The following PIPOX variants were observed in gnomAD, a reference collection of about 807,000 sequenced individuals.
PIPOX encodes the protein peroxisomal sarcosine oxidase.
A neutral mutation model predicts 47.9 loss-of-function variants in PIPOX; 45 were observed. The ratio of observed to expected loss-of-function variants is 0.94; its 90% CI spans 0.74 to 1.20. The LOEUF (loss-of-function observed/expected upper bound fraction) is 1.20, where lower values mean the gene tolerates loss of function less well. Ranked by LOEUF, PIPOX falls within the 50% of genes most tolerant of loss-of-function variation. The pLI, the probability that PIPOX is intolerant of heterozygous loss-of-function variation, is 0.00. For synonymous variants in PIPOX, 165 were observed against 191.3 expected (o/e 0.86, Z 1.13); for missense variants, 458 against 498.4 (o/e 0.92, Z 0.77).
Position 29,055,840 on chromosome 17 carries a change from G to C in PIPOX, c.994G>C (p.Asp332His). 1 of 1,613,904 alleles carries C rather than the reference G, an allele frequency of 6.2e-7. No individual in the cohort carries two copies. Among genetic ancestry groups the C allele is most frequent in the Non-Finnish European group, 8.5e-7 (1 of 1,179,828 alleles). ...TNTPDEQFILDRHPKYDNIVI... is the reference protein window; with the variant it reads ...TNTPDEQFILHRHPKYDNIVI... Reference sequence around the variant, plus strand: ...TACCCCTGATGAGCAGTTCATTCTCGATCGCCACCCAAAGTATGACAACAT... The same window carrying C: ...TACCCCTGATGAGCAGTTCATTCTCCATCGCCACCCAAAGTATGACAACAT... Residue 332 changes from aspartate (D) to histidine (H), a missense_variant, in exon 7 of 8, where the codon GAT (aspartate) becomes CAT (histidine). Asp to His is a moderately conservative substitution (Grantham distance 81). Coordinates refer to ENST00000323372, the MANE Select transcript of PIPOX (RefSeq NM_016518.3).
At chr17:29,051,046 C>T (rs1042424181) in intron 2 of PIPOX, among the ~76,000 whole-genome samples, 5 of 151,460 alleles carry the variant, frequency 3.3e-5, no homozygotes, top group Middle Eastern at 3.2e-3. Context: ...TGCTTACACC[C>T]GGGGGCAGAG....
At chr17:29,051,320 A>G (rs1326470305) in intron 2 of PIPOX, among the ~76,000 whole-genome samples, 2 of 152,114 alleles carry the variant, frequency 1.3e-5, no homozygotes, top group Admixed American at 6.5e-5. Flanking sequence ...GCCATGGCAA[A>G]TGGATTGGGC....
Position 29,053,404 on chromosome 17 carries a change from C to G in PIPOX, c.478-9C>G. The stretch of plus-strand genomic sequence containing the variant: ...ACTAATTCACCTTTCCCTGCTCCTG[C>G]CCTTTCAGGATGCAATTCGACAGCT... On this transcript the variant is annotated splice_polypyrimidine_tract_variant and intron_variant, in intron 3 of 7. Coordinates refer to ENST00000323372, the MANE Select transcript of PIPOX (RefSeq NM_016518.3). The G allele has an allele frequency of 6.2e-7, 1 of 1,605,850 alleles. No individual in the cohort carries two copies. The highest frequency in any genetic ancestry group is 1.1e-5 in the South Asian group (1 of 90,582).
At chr17:29,055,608 C>T (rs773841359) in intron 6 of PIPOX, among the ~76,000 whole-genome samples, 8 of 152,190 alleles carry the variant, frequency 5.3e-5, no homozygotes, top group Non-Finnish European at 7.3e-5. Context: ...CTACTGTGTT[C>T]GTAGCTCTGT....
Position 29,055,123 on chromosome 17 carries a change from A to G in PIPOX, c.868A>G (p.Thr290Ala). The change falls in exon 6 of 8, where the codon ACA (threonine) becomes GCA (alanine). Residue 290 changes from threonine to alanine, a missense_variant. Physicochemically the swap from Thr to Ala is moderately conservative, Grantham distance 58 (BLOSUM62 0). Coordinates refer to ENST00000323372, the MANE Select transcript of PIPOX (RefSeq NM_016518.3). The part of the protein sequence containing the change: ...PEERDCPTAR[T>A]DIGDVQILSS... ...GGAGCGGGACTGCCCCACAGCACGC[A>G]CAGACATCGGAGACGTCCAGATCCT... The G allele has an allele frequency of 6.2e-7, 1 of 1,614,176 alleles. No homozygotes were observed. Among genetic ancestry groups the G allele is most frequent in the Non-Finnish European group, 8.5e-7 (1 of 1,180,030 alleles).
chr17:29,055,247 G>C (rs1220204367), intron 6 of PIPOX, 26 bp downstream of exon 6: 1 of 1,613,508 alleles, frequency 6.2e-7, no homozygotes, highest in African/African-American at 1.3e-5. Flanking sequence ...AGCCTTGCTG[G>C]GCCCCCTCAC....
At chr17:29,055,603 G>A (rs1185024508) in intron 6 of PIPOX, among the ~76,000 whole-genome samples, 1 of 152,236 alleles carries the variant, frequency 6.6e-6, no homozygotes, top group Non-Finnish European at 1.5e-5. Flanking sequence ...AACACCTACT[G>A]TGTTCGTAGC....
Position 29,056,577 on chromosome 17 carries a change from A to G in PIPOX, c.*272A>G. 1 of 527,478 alleles carries G rather than the reference A, an allele frequency of 1.9e-6. No homozygotes were observed. The highest frequency in any genetic ancestry group is 3.4e-6 in the Non-Finnish European group (1 of 295,438). 32.7% of individuals were successfully genotyped at this position (527,478 alleles called of 1,614,324 possible). The stretch of plus-strand genomic sequence containing the variant: ...TCACAACTACTTTCTCGCTCCCAGA[A>G]GGTTGATCAGATATTCTACAATCAC... On this transcript the variant is annotated 3_prime_UTR_variant, in exon 8 of 8. Coordinates refer to ENST00000323372, the MANE Select transcript of PIPOX (RefSeq NM_016518.3).
At chr17:29,052,802 GC>G in intron 2 of PIPOX, 117 bp from the exon 3 acceptor site, 2 of 811,648 alleles carry the variant, frequency 2.5e-6, no homozygotes, top group Non-Finnish European at 4.1e-6. Context: ...CAAATTAGTG[GC>G]CTCAAGTCAT....
intron 3 of PIPOX, 133 bp downstream of exon 3, chr17:29,053,266 G>A (rs1304598817): frequency 3.5e-5 from 42 of 1,197,822 alleles, no homozygotes; most frequent in Non-Finnish European, 6.0e-6. Flanking sequence ...TTTTCCAGCA[G>A]GGCAGTGAAA....
At position 29,044,923 on chromosome 17, in the gene PIPOX, T is replaced by C; in HGVS notation, c.179T>C (p.Leu60Pro). Residue 60 changes from leucine to proline, a missense_variant, in exon 2 of 8, where the codon CTG becomes CCG. Transcript: ENST00000323372. Reference protein sequence around the residue: ...GQSRIIRKAYLEDFYTRMMHE... With the variant: ...GQSRIIRKAYPEDFYTRMMHE... The stretch of plus-strand genomic sequence containing the variant: ...AGCCGGATAATCCGAAAGGCGTACC[T>C]GGAAGACTTTTACACCCGGATGATG... 6.2e-7 allele frequency: 1 copy of C among 1,614,178 alleles called. No individual in the cohort carries two copies. Among genetic ancestry groups the C allele is most frequent in the African/African-American group, 1.3e-5 (1 of 75,068 alleles).
intron 2 of PIPOX, among the ~76,000 whole-genome samples, chr17:29,047,763 A>G (rs917718089): frequency 7.9e-5 from 12 of 152,182 alleles, no homozygotes; most frequent in African/African-American, 2.9e-4. Flanking sequence ...GCAGAAGGCC[A>G]GATTTGGTCC....
intron 2 of PIPOX, among the ~76,000 whole-genome samples, chr17:29,045,436 G>C (rs1424262632): frequency 4.7e-5 from 4 of 85,856 alleles, no homozygotes; most frequent in African/African-American, 1.7e-4. Flanking sequence ...TTTTTTGACA[G>C]AGTCTCGCTT....
rs1403691675 is a variant in PIPOX, at chr17:29,045,103, A to C, written c.263+96A>C. 6 of 1,351,384 alleles carry C rather than the reference A, an allele frequency of 4.4e-6. No homozygotes were observed. In the East Asian group the frequency reaches 1.2e-4, roughly 27 times the overall value. 83.7% of individuals were successfully genotyped at this position (1,351,384 alleles called of 1,614,324 possible). On this transcript the variant is annotated intron_variant, in intron 2 of 7. Coordinates refer to ENST00000323372, the MANE Select transcript of PIPOX (RefSeq NM_016518.3). ...CAGCGCCATGGAACATTTGGAATGC[A>C]ATGGGAGGGACACAAGGCCTCAAGA...
rs1258940132 is a variant in PIPOX, at chr17:29,055,085, A to G, written c.830A>G (p.His277Arg). 1.2e-6 allele frequency: 2 copies of G among 1,614,158 alleles called. No homozygotes were observed. Among genetic ancestry groups the G allele is most frequent in the Admixed American group, 3.3e-5 (2 of 60,028 alleles). ...CAGGTCAGCTATCACCACGGCAACCACGCAGACCCTGAGGAGCGGGACTGC... is the reference window on the plus strand; with the variant it reads ...CAGGTCAGCTATCACCACGGCAACCGCGCAGACCCTGAGGAGCGGGACTGC... ...LMKVSYHHGN[H>R]ADPEERDCPT... The change falls in exon 6 of 8, where the codon CAC (histidine) becomes CGC (arginine). Residue 277 changes from histidine to arginine, a missense_variant. By Grantham distance (29) the His-to-Arg change is conservative (BLOSUM62 0). Coordinates refer to ENST00000323372, the MANE Select transcript of PIPOX (RefSeq NM_016518.3).
At chr17:29,050,166 C>G (rs373464530) in intron 2 of PIPOX, among the ~76,000 whole-genome samples, 1 of 152,036 alleles carries the variant, frequency 6.6e-6, no homozygotes, top group African/African-American at 2.4e-5. Context: ...GAGGAAGAAA[C>G]AATGGAAAAA....
At chr17:29,043,370 A>T (rs1477850914) in intron 1 of PIPOX, 31 bp downstream of exon 1, 1 of 1,517,388 alleles carries the variant, frequency 6.6e-7, no homozygotes, top group African/African-American at 1.4e-5. Flanking sequence ...CCCCAGCTGT[A>T]AGGACTGTCC....
intron 2 of PIPOX, chr17:29,046,838 T>G: frequency 1.2e-6 from 1 of 829,972 alleles, no homozygotes; most frequent in African/African-American, 1.8e-5. Flanking sequence ...AACGAGCTGT[T>G]GAACCTCTGG....
intron 5 of PIPOX, 128 bp downstream of exon 5, chr17:29,054,819 G>A (rs1000584766): frequency 6.9e-6 from 8 of 1,166,090 alleles, no homozygotes; most frequent in Admixed American, 2.4e-5. Context: ...CACTCATGGC[G>A]ATTTGCAAGG....
Sources: gnomAD v4.1 joint callset for allele counts (sites outside exome capture counted in the v4.1 genomes callset) on GRCh38, gnomAD v4.1.1 for gene constraint, MANE v1.5 for transcripts, NCBI Gene and HGNC (gene_info 2026-07-23, HGNC 2026-07-21) for gene names.